The following NT5DC3 variants were observed in gnomAD, a reference collection of about 807,000 sequenced individuals.
NT5DC3 encodes the protein 5'-nucleotidase domain-containing protein 3.
Under a neutral mutation model 67.8 loss-of-function variants are expected in NT5DC3, and 42 were observed. The ratio of observed to expected loss-of-function variants is 0.62; its 90% confidence interval spans 0.48 to 0.80. The LOEUF is 0.80. Among genes scored for constraint, NT5DC3 ranks in the 30% least tolerant of loss-of-function variants. The probability of loss-of-function intolerance (pLI) is 0.00; values close to 1 mark genes in which losing one functional copy is unlikely to be tolerated. For synonymous variants in NT5DC3, 237 were observed against 255.6 expected (o/e 0.93, Z 0.69); for missense variants, 570 against 696.4 (o/e 0.82, Z 2.04).
chr12:103,796,843 T>G (rs1886338185), intron 6 of NT5DC3, 51 bp downstream of exon 6: 3 of 1,605,680 alleles, frequency 1.9e-6, no homozygotes, highest in East Asian at 2.2e-5. Flanking sequence ...TGACTCCCAC[T>G]GAAAAGGCTG....
the NT5DC3 span, among the ~76,000 whole-genome samples, chr12:103,747,385 T>G: frequency 4.6e-5 from 7 of 152,214 alleles, no homozygotes; most frequent in Non-Finnish European, 8.8e-5. Flanking sequence ...TAATACAGTT[T>G]CACTCTGAAA....
chr12:103,840,747 T>C (rs1888382246), intron 1 of NT5DC3, among the ~76,000 whole-genome samples: 1 of 152,036 alleles, frequency 6.6e-6, no homozygotes. Context: ...TTGTGAAGTT[T>C]CTAGAGCGCA....
rs201632707 is a variant in NT5DC3 at position 103,785,751 on chromosome 12, T to TAA, written c.1189-278_1189-277dup. On this transcript the variant is annotated intron_variant, in intron 11 of 13. Transcript: ENST00000392876. Reference sequence around the variant, plus strand: ...GTCTGGAATCATTAACCATGGTCTGTAAAAAAAAAAAAAAAAAAAAAAAAA... The same window carrying TAA: ...GTCTGGAATCATTAACCATGGTCTGTAAAAAAAAAAAAAAAAAAAAAAAAAAA... 8.4e-3 allele frequency: 3,067 copies of TAA among 365,880 alleles called. 59 individuals carry two copies. The highest frequency in any genetic ancestry group is 0.035 in the African/African-American group (1,055 of 29,808). 22.7% of individuals were successfully genotyped at this position (365,880 alleles called of 1,614,324 possible).
At chr12:103,814,387 A>G (rs1388634198) in intron 2 of NT5DC3, among the ~76,000 whole-genome samples, 1 of 152,182 alleles carries the variant, frequency 6.6e-6, no homozygotes, top group Non-Finnish European at 1.5e-5. Context: ...ACGGGCCCAC[A>G]AGACTTCTGA....
the NT5DC3 span, chr12:103,753,073 C>G: frequency 3.4e-6 from 3 of 877,650 alleles, no homozygotes; most frequent in Non-Finnish European, 5.1e-6. Context: ...AAATGATGTA[C>G]TTCAACATAA....
In NT5DC3 at chr12:103,818,074, G is replaced by A. The variant is rs559131323; in HGVS notation, c.209-2953C>T. Among the ~76,000 whole-genome samples, 182 of 152,256 alleles carry A rather than the reference G, an allele frequency of 1.2e-3. 1 individual carries two copies. Among genetic ancestry groups the A allele is most frequent in the African/African-American group, 3.9e-3 (161 of 41,546 alleles). The stretch of plus-strand genomic sequence containing the variant: ...CCTCTCAAAACCTAACAGAAGCTAC[G>A]GAATCCTCTCCATGCATGTGCAGAT... On this transcript the variant is annotated intron_variant, in intron 1 of 13. Coordinates refer to ENST00000392876, the MANE Select transcript of NT5DC3 (RefSeq NM_001031701.3).
the NT5DC3 span, chr12:103,761,272 G>A: frequency 6.2e-7 from 1 of 1,604,732 alleles, no homozygotes; most frequent in South Asian, 1.1e-5. Flanking sequence ...GAGAGTAAAA[G>A]CCATCAACCC....
At chr12:103,828,735 T>G (rs1250723166) in intron 1 of NT5DC3, among the ~76,000 whole-genome samples, 3 of 150,884 alleles carry the variant, frequency 2.0e-5, no homozygotes, top group Non-Finnish European at 4.4e-5. Context: ...TCTCACTCTG[T>G]TGCCCAGGCT....
intron 1 of NT5DC3, 101 bp downstream of exon 1, chr12:103,840,848 A>T: frequency 2.0e-6 from 1 of 512,270 alleles, no homozygotes. Flanking sequence ...GAGGCCCTGG[A>T]GGTCCGCAGC....
Position 103,777,748 on chromosome 12 carries a change from C to A in NT5DC3, c.*81G>T. ...GGCTTATCTGTATCTTTTCCAAAAG[C>A]AACACTCAGACCCACATGAAGTCAA... On this transcript the variant is annotated 3_prime_UTR_variant, in exon 14 of 14. Transcript: ENST00000392876. The A allele has an allele frequency of 6.9e-7, 1 of 1,441,372 alleles. No homozygotes were observed. The highest frequency in any genetic ancestry group is 1.3e-5 in the South Asian group (1 of 74,420). 89.3% of individuals were successfully genotyped at this position (1,441,372 alleles called of 1,614,324 possible).
rs1252721405 is a variant in NT5DC3, at chr12:103,809,039, T to C, written c.394-2110A>G. On this transcript the variant is annotated intron_variant, in intron 2 of 13. Transcript: ENST00000392876. ...ATTTGCCCAAGGTCACACAGCTAGATAGTGGTTGAGCCAGTATTTGAACCC... is the reference window on the plus strand; with the variant it reads ...ATTTGCCCAAGGTCACACAGCTAGACAGTGGTTGAGCCAGTATTTGAACCC... Among the ~76,000 whole-genome samples, 4 of 152,236 alleles carry C rather than the reference T, an allele frequency of 2.6e-5. No individual in the cohort carries two copies. In the South Asian group the frequency reaches 6.2e-4, roughly 24 times the overall value.
the NT5DC3 span, among the ~76,000 whole-genome samples, chr12:103,753,547 C>T: frequency 2.0e-4 from 30 of 152,256 alleles, no homozygotes; most frequent in Admixed American, 1.1e-3. Context: ...CAGGGTACTT[C>T]GTGGATATTA....
Position 103,772,358 on chromosome 12 carries a change from T to C in NT5DC3, c.*5471A>G, listed in dbSNP as rs1353449402. On this transcript the variant is annotated 3_prime_UTR_variant, in exon 14 of 14. Coordinates refer to ENST00000392876, the MANE Select transcript of NT5DC3 (RefSeq NM_001031701.3). ...AATAAGTTCAGAGTCACATAACACATAAAATCAACATTTAAAATAAATAGC... is the reference window on the plus strand; with the variant it reads ...AATAAGTTCAGAGTCACATAACACACAAAATCAACATTTAAAATAAATAGC... 6.6e-6 allele frequency: 1 copy of C among 152,494 alleles called. No individual in the cohort carries two copies. Among genetic ancestry groups the C allele is most frequent in the East Asian group, 1.9e-4 (1 of 5,188 alleles). 9.4% of individuals were successfully genotyped at this position (152,494 alleles called of 1,614,324 possible). A position where few individuals can be genotyped will look rare whatever the true frequency, so the allele number is the denominator to read the frequency against.
At chr12:103,763,835 C>T in the NT5DC3 span, 1 of 447,402 alleles carries the variant, frequency 2.2e-6, no homozygotes, top group Non-Finnish European at 4.0e-6. Flanking sequence ...CAAACAGAGA[C>T]AGGCGAGAAC....
intron 1 of NT5DC3, among the ~76,000 whole-genome samples, chr12:103,832,728 A>C (rs1030516832): frequency 2.6e-5 from 4 of 152,138 alleles, no homozygotes; most frequent in African/African-American, 9.7e-5. Context: ...ATTTAAATCT[A>C]AAAAACAGTC....
chr12:103,816,690 G>C (rs938865691), intron 1 of NT5DC3, among the ~76,000 whole-genome samples: 1 of 152,182 alleles, frequency 6.6e-6, no homozygotes, highest in African/African-American at 2.4e-5. Flanking sequence ...AGATGTGATA[G>C]AGGATGTTGG....
rs747742856 is a variant in NT5DC3 at position 103,793,361 on chromosome 12, G to A, written c.917+49C>T. The stretch of plus-strand genomic sequence containing the variant: ...AATTTCCAGCTGCTAAAACAAATGG[G>A]ATACAAGGAGTGTGCCAGAAGCTAG... On this transcript the variant is annotated intron_variant, in intron 8 of 13. Coordinates refer to ENST00000392876, the MANE Select transcript of NT5DC3 (RefSeq NM_001031701.3). The A allele has an allele frequency of 7.0e-6, 11 of 1,560,788 alleles. No homozygotes were observed. The East Asian group carries it at 2.2e-4, about 32-fold the overall frequency.
the NT5DC3 span, chr12:103,758,295 T>C: frequency 3.1e-6 from 5 of 1,613,036 alleles, no homozygotes; most frequent in Non-Finnish European, 4.2e-6. Flanking sequence ...ATGAGGTGAG[T>C]TGAGTCCCTG....
At chr12:103,767,323 TATC>T (rs1441380595), downstream of NT5DC3, among the ~76,000 whole-genome samples, 4 of 152,208 alleles carry the variant, frequency 2.6e-5, no homozygotes, top group Non-Finnish European at 5.9e-5. Context: ...AAGGACCACA[TATC>T]ATATGATTCC....
Sources: gnomAD v4.1 joint callset for allele counts (sites outside exome capture counted in the v4.1 genomes callset) on GRCh38, gnomAD v4.1.1 for gene constraint, MANE v1.5 for transcripts, NCBI Gene and HGNC (gene_info 2026-07-23, HGNC 2026-07-21) for gene names.